FRYL: variants seen among roughly 807,000 people sequenced by gnomAD.
FRYL encodes FRY like transcription coactivator.
A neutral mutation model predicts 351.2 loss-of-function variants in FRYL; 150 were observed. That is an observed-to-expected ratio of 0.43 (90% CI 0.37 to 0.49). The LOEUF (loss-of-function observed/expected upper bound fraction) is 0.49. Ranked by LOEUF, FRYL falls within the 20% of genes least tolerant of loss-of-function variation. FRYL has a pLI of 0.00. For synonymous variants in FRYL, 1,153 were observed against 1,257.1 expected (o/e 0.92, Z 1.75); for missense variants, 3,036 against 3,619.3 (o/e 0.84, Z 4.13).
intron 31 of FRYL, among the ~76,000 whole-genome samples, chr4:48,563,226 CAGA>C (rs1349287596): frequency 6.7e-6 from 1 of 148,986 alleles, no homozygotes; most frequent in Admixed American, 6.7e-5. Flanking sequence ...TGGGCCATAT[CAGA>C]AGAATTGTCT....
At chr4:48,612,024 T>C (rs1262951753) in intron 7 of FRYL, among the ~76,000 whole-genome samples, 6 of 152,304 alleles carry the variant, frequency 3.9e-5, no homozygotes, top group South Asian at 2.1e-4. Flanking sequence ...TATTTTGAGC[T>C]AAAGGCAATT....
intron 27 of FRYL, among the ~76,000 whole-genome samples, chr4:48,569,738 A>C (rs1737825378): frequency 6.6e-6 from 1 of 152,256 alleles, no homozygotes; most frequent in South Asian, 2.1e-4. Context: ...AAAATAAATA[A>C]TTGGGAGAAA....
chr4:48,596,115 GT>G (rs1744530976), intron 13 of FRYL, 115 bp from the exon 14 acceptor site: 1 of 677,132 alleles, frequency 1.5e-6, no homozygotes, highest in East Asian at 3.0e-5. Context: ...TCTAAAATAG[GT>G]TTAAATACCA....
intron 34 of FRYL, 101 bp from the exon 35 acceptor site, chr4:48,557,219 G>A (rs1734315984): frequency 7.2e-7 from 1 of 1,386,850 alleles, no homozygotes; most frequent in Non-Finnish European, 9.8e-7. Flanking sequence ...TGTACAGATA[G>A]CTTTAATCGT....
At chr4:48,739,246 CA>C (rs1214231383) in intron 1 of FRYL, among the ~76,000 whole-genome samples, 1 of 151,824 alleles carries the variant, frequency 6.6e-6, no homozygotes, top group Non-Finnish European at 1.5e-5. Flanking sequence ...ACTAAAAATA[CA>C]AAAATCAGCA....
chr4:48,599,289 G>C (rs1745223847), intron 13 of FRYL, among the ~76,000 whole-genome samples: 1 of 152,040 alleles, frequency 6.6e-6, no homozygotes, highest in Admixed American at 6.6e-5. Flanking sequence ...TTTCACACAA[G>C]CACCTAAATT....
intron 59 of FRYL, among the ~76,000 whole-genome samples, chr4:48,508,335 C>A (rs758484355): frequency 1.3e-5 from 2 of 152,140 alleles, no homozygotes; most frequent in Non-Finnish European, 2.9e-5. Context: ...AACCTATAGA[C>A]CATTTTGGGG....
At chr4:48,563,523 T>A (rs1432271199) in intron 31 of FRYL, among the ~76,000 whole-genome samples, 1 of 151,950 alleles carries the variant, frequency 6.6e-6, no homozygotes, top group African/African-American at 2.4e-5. Flanking sequence ...CTGGGCAACA[T>A]ACGTAGTGAG....
At chr4:48,583,244 T>C (rs769911541) in intron 19 of FRYL, among the ~76,000 whole-genome samples, 1 of 151,922 alleles carries the variant, frequency 6.6e-6, no homozygotes, top group Non-Finnish European at 1.5e-5. Context: ...CACTGTCTTC[T>C]GGGTTCACGC....
rs757579235 is a variant in FRYL at position 48,500,216 on chromosome 4, A to G, written c.8597T>C (p.Ile2866Thr). The change falls in exon 63 of 64, where the codon ATC becomes ACC. Residue 2866 changes from isoleucine to threonine, a missense_variant. Physicochemically the swap from Ile to Thr is moderately conservative, Grantham distance 89. Around this residue, in one of 7 missense-constraint regions of FRYL, gnomAD observed 1,987 missense variants for 2,311.7 expected, o/e 0.86. Transcript: ENST00000358350. ...TTGGGCAAGTTCCTCTGACATGTTG[A>G]TGACCTAAAACAAATACATCTTTAA... The part of the protein sequence containing the change: ...VNTIKNEAEV[I>T]NMSEELAQLE... 7 of 1,570,436 alleles carry G rather than the reference A, an allele frequency of 4.5e-6. No homozygotes were observed. The African/African-American group carries it at 5.5e-5, about 12-fold the overall frequency.
chr4:48,614,256 A>G (rs1281436648), intron 7 of FRYL, among the ~76,000 whole-genome samples: 1 of 152,174 alleles, frequency 6.6e-6, no homozygotes, highest in Non-Finnish European at 1.5e-5. Flanking sequence ...CTCAAACTGA[A>G]TTTCCAAAGA....
rs775338688 is a variant in FRYL, at chr4:48,570,841, A to G, written c.2982T>C (p.Gly994=). The change falls in exon 27 of 64, where the codon GGT becomes GGC. Residue 994 remains glycine (G), a synonymous_variant. Coordinates refer to ENST00000358350, the MANE Select transcript of FRYL (RefSeq NM_015030.2). Reference sequence around the variant, plus strand: ...CCAATACTGACCTGTGACTAATGACACCAGCATCTGCCAGCAGTTCAAATA... The same window carrying G: ...CCAATACTGACCTGTGACTAATGACGCCAGCATCTGCCAGCAGTTCAAATA... ...VRIFELLADA[G]VISHSASGGL... The G allele has an allele frequency of 6.2e-7, 1 of 1,612,490 alleles. No homozygotes were observed. Among genetic ancestry groups the G allele is most frequent in the Non-Finnish European group, 8.5e-7 (1 of 1,178,484 alleles).
Position 48,564,007 on chromosome 4 carries a change from C to T in FRYL, c.3537G>A (p.Thr1179=), listed in dbSNP as rs137912004. 1,323 of 1,614,142 alleles carry T rather than the reference C, an allele frequency of 8.2e-4. 10 individuals carry two copies. The African/African-American group carries it at 0.014, about 18-fold the overall frequency. ...AGCCGGCCGCCACCCTCCCGGAGCCCGTGTAGCAGCGGTCCACAGCCCAGT... is the reference window on the plus strand; with the variant it reads ...AGCCGGCCGCCACCCTCCCGGAGCCTGTGTAGCAGCGGTCCACAGCCCAGT... ...LMYWAVDRCY[T]GSGRVAAGCF... Residue 1179 remains threonine (T), a synonymous_variant, in exon 31 of 64, where the codon ACG becomes ACA. Coordinates refer to ENST00000358350, the MANE Select transcript of FRYL (RefSeq NM_015030.2).
At chr4:48,538,874 C>CT (rs1729485299) in intron 47 of FRYL, among the ~76,000 whole-genome samples, 1 of 151,330 alleles carries the variant, frequency 6.6e-6, no homozygotes, top group South Asian at 2.1e-4. Flanking sequence ...TCTGAAAAGC[C>CT]TTTTTTCCTC....
chr4:48,737,359 T>TG (rs1229113052), intron 1 of FRYL, among the ~76,000 whole-genome samples: 2 of 152,114 alleles, frequency 1.3e-5, no homozygotes, highest in Non-Finnish European at 2.9e-5. Flanking sequence ...AACAATGCTT[T>TG]GCTCATGAAT....
chr4:48,748,097 T>C (rs537426475), intron 1 of FRYL, among the ~76,000 whole-genome samples: 10 of 151,964 alleles, frequency 6.6e-5, no homozygotes, highest in African/African-American at 2.4e-4. Context: ...AATAGAAAAA[T>C]TAGCTGGGTG....
intron 1 of FRYL, among the ~76,000 whole-genome samples, chr4:48,711,987 A>G (rs1768114402): frequency 6.6e-6 from 1 of 152,246 alleles, no homozygotes; most frequent in Admixed American, 6.5e-5. Flanking sequence ...GCAAACTCCA[A>G]CAGACCTGCA....
intron 55 of FRYL, among the ~76,000 whole-genome samples, chr4:48,519,336 C>A (rs2148816626): frequency 6.6e-6 from 1 of 152,214 alleles, no homozygotes; most frequent in East Asian, 1.9e-4. Context: ...CACTGCCATC[C>A]CTTTCTACAT....
At chr4:48,737,259 G>GAAAA (rs368219531) in intron 1 of FRYL, among the ~76,000 whole-genome samples, 7 of 97,628 alleles carry the variant, frequency 7.2e-5, no homozygotes, top group Admixed American at 1.1e-4. Context: ...CTCCATCACA[G>GAAAA]AAAAAAAAAA....
Sources: allele counts gnomAD v4.1 joint callset (sites outside exome capture counted in the v4.1 genomes callset), GRCh38; gene constraint gnomAD v4.1.1; regional missense constraint gnomAD v4.1.1; transcripts MANE v1.5; gene names NCBI Gene and HGNC (gene_info 2026-07-23, HGNC 2026-07-21).